ZNF782: variants seen among roughly 807,000 people sequenced by gnomAD.
The protein encoded by ZNF782 is zinc finger protein 782.
ZNF782 carries 12 observed loss-of-function variants against 13.0 expected under a neutral mutation model. The ratio of observed to expected loss-of-function variants is 0.92; its 90% CI spans 0.59 to 1.50. The LOEUF (loss-of-function observed/expected upper bound fraction) is 1.50. Ranked by LOEUF, ZNF782 falls within the 40% of genes most tolerant of loss-of-function variation. The pLI, the probability that ZNF782 is intolerant of heterozygous loss-of-function variation, is 0.00. For synonymous variants in ZNF782, 284 were observed against 283.0 expected, an observed-to-expected ratio of 1.00 and a Z score of -0.04; for missense variants, 770 against 822.9, an observed-to-expected ratio of 0.94 and a Z score of 0.79.
At chr9:96,874,339 TTAAGA>T (rs1197330797) in intron 1 of ZNF782, among the ~76,000 whole-genome samples, 1 of 151,902 alleles carries the variant, frequency 6.6e-6, no homozygotes, top group African/African-American at 2.4e-5. Flanking sequence ...TTCTGTGAGG[TTAAGA>T]TATCAAGACT....
chr9:96,914,977 CA>C, the ZNF782 span, among the ~76,000 whole-genome samples: 1 of 150,336 alleles, frequency 6.7e-6, no homozygotes, highest in Non-Finnish European at 1.5e-5. Context: ...TTGCCTGTAA[CA>C]AAGCAACATA....
At chr9:96,838,189 C>T (rs139419976) in intron 4 of ZNF782, among the ~76,000 whole-genome samples, 57 of 152,286 alleles carry the variant, frequency 3.7e-4, no homozygotes, top group African/African-American at 1.3e-3. Context: ...TTTGGAAATG[C>T]TCCTGCTATC....
intron 4 of ZNF782, among the ~76,000 whole-genome samples, chr9:96,842,333 T>A (rs1851212811): frequency 6.6e-6 from 1 of 152,024 alleles, no homozygotes; most frequent in South Asian, 2.1e-4. Flanking sequence ...AACATAATGA[T>A]ATTATTACAA....
At chr9:96,829,795 A>T (rs10979216) in intron 4 of ZNF782, among the ~76,000 whole-genome samples, 21,528 of 152,090 alleles carry the variant, frequency 0.14, 3,459 homozygotes, top group African/African-American at 0.38. Flanking sequence ...AGTAAAAAAA[A>T]TTTCAAAGAG....
the ZNF782 span, among the ~76,000 whole-genome samples, chr9:96,917,366 A>C: frequency 6.6e-5 from 10 of 151,714 alleles, no homozygotes; most frequent in Non-Finnish European, 1.5e-4. Context: ...TTTGTGGTAG[A>C]AAAATTGGAA....
chr9:96,835,156 C>G (rs968870954), intron 4 of ZNF782, among the ~76,000 whole-genome samples: 14 of 152,170 alleles, frequency 9.2e-5, no homozygotes, highest in African/African-American at 2.2e-4. Flanking sequence ...GAGTGGTGAA[C>G]TAGTATAACT....
rs192302911 is a variant in ZNF782, at chr9:96,830,312, C to T, written c.143-3131G>A. 1.1e-3 allele frequency among the ~76,000 whole-genome samples: 160 copies of T among 143,314 alleles called. 1 individual carries two copies. The highest frequency in any genetic ancestry group is 0.011 in the Admixed American group (160 of 15,156). 94.0% of individuals were successfully genotyped at this position (143,314 alleles called of 152,430 possible). A position where few individuals can be genotyped will look rare whatever the true frequency, so the allele number is the denominator to read the frequency against. ...GGCTCCCTTACTGTTCCACCAGGGT[C>T]ATGTGAGAGAGGGCTGACGGGGCTG... On this transcript the variant is annotated intron_variant, in intron 4 of 5. Transcript: ENST00000481138.
chr9:96,916,335 C>A, the ZNF782 span, among the ~76,000 whole-genome samples: 4 of 151,846 alleles, frequency 2.6e-5, no homozygotes, highest in African/African-American at 9.7e-5. Context: ...ACAAAAAGTA[C>A]AAAAATTAGC....
upstream of ZNF782, among the ~76,000 whole-genome samples, chr9:96,877,623 T>C (rs991544180): frequency 5.9e-5 from 9 of 152,316 alleles, no homozygotes; most frequent in Middle Eastern, 3.4e-3. Context: ...GGGGGCCCCG[T>C]GGGCTGGGGT....
upstream of ZNF782, among the ~76,000 whole-genome samples, chr9:96,857,740 T>C (rs1193853700): frequency 6.6e-6 from 1 of 152,240 alleles, no homozygotes; most frequent in African/African-American, 2.4e-5. Context: ...AATTTTTCAA[T>C]ATTTTTTTGC....
At chr9:96,839,277 CTTTTTTTTTT>C (rs201411107) in intron 4 of ZNF782, among the ~76,000 whole-genome samples, 14 of 100,242 alleles carry the variant, frequency 1.4e-4, no homozygotes, top group African/African-American at 3.4e-4. Flanking sequence ...TTACTTGGGA[CTTTTTTTTTT>C]TTTTTTTTTT....
chr9:96,887,319 A>G, the ZNF782 span: 1 of 140,686 alleles, frequency 7.1e-6, no homozygotes, highest in African/African-American at 3.2e-5. Context: ...GGAAGGAAGG[A>G]AGGAAGGAAG....
At chr9:96,920,773 G>A in the ZNF782 span, among the ~76,000 whole-genome samples, 2 of 150,072 alleles carry the variant, frequency 1.3e-5, no homozygotes, top group Admixed American at 6.6e-5. Context: ...AATTAGCCAG[G>A]CACAGTGGCA....
intron 1 of ZNF782, among the ~76,000 whole-genome samples, chr9:96,871,315 G>A (rs1344580489): frequency 1.3e-5 from 2 of 150,968 alleles, no homozygotes; most frequent in Non-Finnish European, 2.9e-5. Flanking sequence ...TGTTGTCTCA[G>A]TATGTTACCC....
chr9:96,911,526 G>GT, the ZNF782 span, among the ~76,000 whole-genome samples: 1,945 of 83,516 alleles, frequency 0.023, 57 homozygotes, highest in African/African-American at 0.071. Context: ...GTTTTGTTTT[G>GT]TTTTTTTTTT....
upstream of ZNF782, among the ~76,000 whole-genome samples, chr9:96,879,457 C>T (rs907744258): frequency 5.9e-5 from 9 of 152,140 alleles, no homozygotes; most frequent in Admixed American, 4.6e-4. Flanking sequence ...GAGCCCAGAT[C>T]GCGCCACTGC....
At chr9:96,855,208 A>G (rs1851625161), upstream of ZNF782, among the ~76,000 whole-genome samples, 1 of 152,214 alleles carries the variant, frequency 6.6e-6, no homozygotes. Context: ...AATGTTAATT[A>G]TCTTAGGTTT....
intron 1 of ZNF782, among the ~76,000 whole-genome samples, chr9:96,866,958 G>T (rs1046786611): frequency 6.6e-6 from 1 of 152,226 alleles, no homozygotes; most frequent in African/African-American, 2.4e-5. Context: ...TACCCCCATT[G>T]TATCTAGGAA....
At chr9:96,873,849 CA>C (rs1197955522) in intron 1 of ZNF782, among the ~76,000 whole-genome samples, 1 of 152,142 alleles carries the variant, frequency 6.6e-6, no homozygotes, top group Non-Finnish European at 1.5e-5. Context: ...TGAAAGTGGG[CA>C]GGTTCTCTGA....
Sources: allele counts gnomAD v4.1 joint callset (sites outside exome capture counted in the v4.1 genomes callset), GRCh38; gene constraint gnomAD v4.1.1; transcripts MANE v1.5; gene names NCBI Gene and HGNC (gene_info 2026-07-23, HGNC 2026-07-21).